The following UQCC1 variants were observed in gnomAD, a reference collection of about 807,000 sequenced individuals.
UQCC1 encodes bFGF-repressed Zic-binding protein.
A neutral mutation model predicts 48.0 loss-of-function variants in UQCC1; 38 were observed. That is an observed-to-expected ratio of 0.79 (90% CI 0.61 to 1.04). The LOEUF (loss-of-function observed/expected upper bound fraction) is 1.04, where lower values mean the gene tolerates loss of function less well. Among genes scored for constraint, UQCC1 ranks in the 50% least tolerant of loss-of-function variants. The probability of loss-of-function intolerance (pLI) is 0.00; values close to 1 mark genes in which losing one functional copy is unlikely to be tolerated. For missense variants in UQCC1, 368 were observed against 381.8 expected (o/e 0.96, Z 0.30); for synonymous variants, 111 against 129.2 (o/e 0.86, Z 0.95).
rs75909303 is a variant in UQCC1, at chr20:35,394,103, G to A, written c.118C>T (p.Arg40Cys). ...ACAACAAATCTTACCTGGGAAGTGCGAGACAGAGCCCTGTCCCCCTGTCCT... is the reference window on the plus strand; with the variant it reads ...ACAACAAATCTTACCTGGGAAGTGCAAGACAGAGCCCTGTCCCCCTGTCCT... ...TQGQGDRALS[R>C]TSQWPQMSQS... Residue 40 changes from arginine to cysteine, a missense_variant, in exon 2 of 10, where the codon CGC becomes TGC. Transcript: ENST00000374385. The A allele has an allele frequency of 1.4e-5, 23 of 1,613,468 alleles. No individual in the cohort carries two copies. The highest frequency in any genetic ancestry group is 1.6e-4 in the Middle Eastern group (1 of 6,082).
intron 1 of UQCC1, among the ~76,000 whole-genome samples, chr20:35,405,846 C>T (rs1403151241): frequency 6.6e-6 from 1 of 151,894 alleles, no homozygotes; most frequent in Non-Finnish European, 1.5e-5. Context: ...CAAGATGGCA[C>T]CAAAGAGAAT....
At chr20:35,363,342 G>A (rs983278253) in intron 6 of UQCC1, among the ~76,000 whole-genome samples, 3 of 152,088 alleles carry the variant, frequency 2.0e-5, no homozygotes, top group Non-Finnish European at 4.4e-5. Flanking sequence ...GCTAGACAGC[G>A]CAGACAGTGG....
chr20:35,308,432 G>A (rs1436057293), intron 8 of UQCC1, among the ~76,000 whole-genome samples: 1 of 152,282 alleles, frequency 6.6e-6, no homozygotes, highest in Non-Finnish European at 1.5e-5. Flanking sequence ...CACATGTGCT[G>A]TGCAGAAAGG....
At chr20:35,372,887 G>C (rs2061751218) in intron 5 of UQCC1, among the ~76,000 whole-genome samples, 1 of 152,102 alleles carries the variant, frequency 6.6e-6, no homozygotes, top group Non-Finnish European at 1.5e-5. Context: ...AAAACACGAT[G>C]CAACAAAAAA....
intron 8 of UQCC1, among the ~76,000 whole-genome samples, chr20:35,313,305 G>T (rs748228638): frequency 1.0e-4 from 15 of 150,626 alleles, no homozygotes; most frequent in South Asian, 4.2e-4. Context: ...GAACCTGGGA[G>T]GTGGAGCTTG....
At position 35,304,104 on chromosome 20, in the gene UQCC1, G is replaced by A. The variant is rs139274366; in HGVS notation, c.766-35C>T. 4.4e-4 allele frequency: 707 copies of A among 1,613,474 alleles called. 1 individual carries two copies. The African/African-American group carries it at 8.6e-3, about 20-fold the overall frequency. ...GGGGAGGGGGAAGGAGGAAGCGACA[G>A]AGGCAGGGCAGAGGTGAGGAGCCAG... On this transcript the variant is annotated intron_variant, in intron 9 of 9. Transcript: ENST00000374385.
At chr20:35,384,431 A>G (rs2061912674) in intron 2 of UQCC1, 4 of 339,216 alleles carry the variant, frequency 1.2e-5, no homozygotes, top group South Asian at 1.0e-4. Flanking sequence ...GCTTGAGGCC[A>G]GAGTTTAAGA....
At chr20:35,335,715 AG>A (rs2061308325) in intron 7 of UQCC1, among the ~76,000 whole-genome samples, 1 of 152,182 alleles carries the variant, frequency 6.6e-6, no homozygotes. Flanking sequence ...TTTCTATCTG[AG>A]GTAATTAAAA....
At chr20:35,314,407 T>C (rs62211523) in intron 8 of UQCC1, among the ~76,000 whole-genome samples, 36 of 152,162 alleles carry the variant, frequency 2.4e-4, no homozygotes, top group Admixed American at 2.6e-4. Context: ...CATTTGCCTC[T>C]GTCCCTCCAT....
chr20:35,394,341 C>T (rs894986103), intron 1 of UQCC1, 145 bp from the exon 2 acceptor site: 2 of 698,160 alleles, frequency 2.9e-6, no homozygotes, highest in Admixed American at 5.2e-5. Context: ...CTCCTAAAAC[C>T]CTTGGAATTT....
At chr20:35,332,653 G>C (rs566350110) in intron 7 of UQCC1, among the ~76,000 whole-genome samples, 1 of 152,320 alleles carries the variant, frequency 6.6e-6, no homozygotes, top group South Asian at 2.1e-4. Context: ...AGAAAGAAGA[G>C]CTCCCCACAC....
intron 1 of UQCC1, among the ~76,000 whole-genome samples, chr20:35,395,980 CTTTTTTTTTTTT>C (rs1000858624): frequency 1.0e-5 from 1 of 99,204 alleles, no homozygotes; most frequent in Non-Finnish European, 1.9e-5. Context: ...TTTGCAATGT[CTTTTTTTTTTTT>C]TTTTTTTTTT....
At chr20:35,391,704 C>T (rs1255268646) in intron 2 of UQCC1, among the ~76,000 whole-genome samples, 2 of 142,348 alleles carry the variant, frequency 1.4e-5, no homozygotes, top group Non-Finnish European at 3.1e-5. Context: ...TTTGTTATCG[C>T]AGATCAAAAA....
At chr20:35,377,648 TTAAC>T (rs1308505836) in intron 4 of UQCC1, among the ~76,000 whole-genome samples, 2 of 152,196 alleles carry the variant, frequency 1.3e-5, no homozygotes, top group African/African-American at 4.8e-5. Context: ...GTATGTAACT[TTAAC>T]TAAAATTTCT....
intron 2 of UQCC1, among the ~76,000 whole-genome samples, chr20:35,385,945 C>G (rs1005047745): frequency 6.6e-6 from 1 of 151,756 alleles, no homozygotes; most frequent in African/African-American, 2.4e-5. Flanking sequence ...CAGCCTCCCC[C>G]GCCATCAACA....
At position 35,382,041 on chromosome 20, in the gene UQCC1, G is replaced by A. The variant is rs1600986690; in HGVS notation, c.226-16C>T. On this transcript the variant is annotated splice_polypyrimidine_tract_variant and intron_variant, in intron 3 of 9. Coordinates refer to ENST00000374385, the MANE Select transcript of UQCC1 (RefSeq NM_018244.5). ...TAGTAGAAAGCTGATTAACCAAAAA[G>A]AAAAAAACTAAAATTAGTTGCAAAA... 1.3e-6 allele frequency: 2 copies of A among 1,542,896 alleles called. No homozygotes were observed. The highest frequency in any genetic ancestry group is 8.8e-7 in the Non-Finnish European group (1 of 1,135,748).
At chr20:35,384,688 G>C (rs781358231) in intron 2 of UQCC1, 3 of 446,602 alleles carry the variant, frequency 6.7e-6, no homozygotes, top group Admixed American at 4.9e-5. Flanking sequence ...GAATTCAAAG[G>C]CCAGGTGGCG....
At chr20:35,310,090 C>T (rs1411563859) in intron 8 of UQCC1, among the ~76,000 whole-genome samples, 2 of 152,214 alleles carry the variant, frequency 1.3e-5, no homozygotes, top group Admixed American at 6.5e-5. Flanking sequence ...TCTCACTGCA[C>T]TCTACTGTAG....
intron 7 of UQCC1, among the ~76,000 whole-genome samples, chr20:35,318,047 T>C (rs1307118263): frequency 6.6e-6 from 1 of 152,184 alleles, no homozygotes; most frequent in African/African-American, 2.4e-5. Context: ...TACTCCCACA[T>C]GAGTTGTTCT....
Sources: allele counts gnomAD v4.1 joint callset (sites outside exome capture counted in the v4.1 genomes callset), GRCh38; gene constraint gnomAD v4.1.1; transcripts MANE v1.5; gene names NCBI Gene and HGNC (gene_info 2026-07-23, HGNC 2026-07-21).